ACBD5: variants seen among roughly 807,000 people sequenced by gnomAD.
The protein encoded by ACBD5 is acyl-CoA-binding domain-containing protein 5.
A neutral mutation model predicts 71.8 loss-of-function variants in ACBD5; 40 were observed. The ratio of observed to expected loss-of-function variants is 0.56; its 90% CI spans 0.43 to 0.72. The LOEUF is 0.72. Ranked by LOEUF, ACBD5 falls within the 30% of genes least tolerant of loss-of-function variation. ACBD5 has a pLI of 0.00. For missense variants in ACBD5, 559 were observed against 644.5 expected (o/e 0.87, Z 1.44); for synonymous variants, 229 against 218.6 (o/e 1.05, Z -0.42).
In ACBD5 at chr10:27,218,153, T is replaced by C. The variant is rs772006789; in HGVS notation, c.656A>G (p.His219Arg). ...DKKMMKKSAD[H>R]KNLEVIVTNG... ...AGTGACAATGACTTCCAAATTCTTA[T>C]GGTCTGCTGACTTCTTCATCATTTT... The change falls in exon 7 of 13, where the codon CAT (histidine) becomes CGT (arginine). Residue 219 changes from histidine to arginine, a missense_variant. Coordinates refer to ENST00000396271, the MANE Select transcript of ACBD5 (RefSeq NM_145698.5). 3 of 1,614,106 alleles carry C rather than the reference T, an allele frequency of 1.9e-6. No homozygotes were observed. The South Asian group carries it at 3.3e-5, about 18-fold the overall frequency.
intron 13 of ACBD5, among the ~76,000 whole-genome samples, chr10:27,187,586 T>A (rs2058841610): frequency 6.6e-6 from 1 of 151,998 alleles, no homozygotes; most frequent in Non-Finnish European, 1.5e-5. Flanking sequence ...ACCTGGTCTC[T>A]ACTAAAAATA....
At chr10:27,206,889 T>C (rs1284075513) in intron 10 of ACBD5, among the ~76,000 whole-genome samples, 1 of 152,034 alleles carries the variant, frequency 6.6e-6, no homozygotes, top group Non-Finnish European at 1.5e-5. Flanking sequence ...TCCTCTCCCA[T>C]CAAAAATGCA....
chr10:27,215,890 T>G (rs963765493), intron 7 of ACBD5, among the ~76,000 whole-genome samples: 2 of 151,468 alleles, frequency 1.3e-5, no homozygotes, highest in African/African-American at 4.8e-5. Flanking sequence ...TGGTTTTGTT[T>G]TGAGACGGAG....
chr10:27,236,280 G>A (rs961811323), intron 2 of ACBD5, among the ~76,000 whole-genome samples: 1 of 151,930 alleles, frequency 6.6e-6, no homozygotes, highest in Non-Finnish European at 1.5e-5. Context: ...AAGTTATATT[G>A]TAGAAAAATA....
chr10:27,219,572 C>A, intron 6 of ACBD5, 151 bp downstream of exon 6: 1 of 957,348 alleles, frequency 1.0e-6, no homozygotes, highest in South Asian at 1.4e-5. Context: ...TGTAGTAGAG[C>A]CTTTTGGTCC....
At chr10:27,183,281 G>A (rs1040420635) in intron 13 of ACBD5, among the ~76,000 whole-genome samples, 1 of 151,966 alleles carries the variant, frequency 6.6e-6, no homozygotes, top group South Asian at 2.1e-4. Flanking sequence ...TGTTGTTGTT[G>A]TTGTTGTTGT....
intron 4 of ACBD5, among the ~76,000 whole-genome samples, chr10:27,230,845 T>G (rs535332540): frequency 3.8e-4 from 58 of 150,850 alleles, no homozygotes; most frequent in African/African-American, 1.3e-3. Context: ...ATTCATGATT[T>G]CTTCATATAC....
chr10:27,233,771 G>C (rs973609320), intron 3 of ACBD5, among the ~76,000 whole-genome samples: 3 of 152,102 alleles, frequency 2.0e-5, no homozygotes, highest in African/African-American at 7.2e-5. Context: ...GCGGGAGCGG[G>C]GGGTGGCTCA....
intron 10 of ACBD5, among the ~76,000 whole-genome samples, chr10:27,205,821 T>C (rs2060418417): frequency 6.6e-6 from 1 of 152,024 alleles, no homozygotes; most frequent in South Asian, 2.1e-4. Flanking sequence ...TGAACCACCA[T>C]GCCTGGCCCA....
Position 27,197,369 on chromosome 10 carries a change from A to G in ACBD5, c.*61T>C. 3 of 1,521,582 alleles carry G rather than the reference A, an allele frequency of 2.0e-6. No homozygotes were observed. Among genetic ancestry groups the G allele is most frequent in the South Asian group, 2.3e-5 (2 of 88,542 alleles). The allele number at this position is 1,521,582 out of a possible 1,614,324, so 94.3% of individuals were successfully genotyped here. A position where few individuals can be genotyped will look rare whatever the true frequency, so the allele number is the denominator to read the frequency against. ...CTAAGATTTTCTTGTGAACACCACAATCCAGTTCATTCTGAGGTCATCCAG... is the reference window on the plus strand; with the variant it reads ...CTAAGATTTTCTTGTGAACACCACAGTCCAGTTCATTCTGAGGTCATCCAG... On this transcript the variant is annotated 3_prime_UTR_variant, in exon 13 of 13. Transcript: ENST00000396271.
intron 9 of ACBD5, among the ~76,000 whole-genome samples, chr10:27,209,974 A>G (rs757251339): frequency 6.6e-6 from 1 of 152,136 alleles, no homozygotes; most frequent in Non-Finnish European, 1.5e-5. Flanking sequence ...GTATGTAAAT[A>G]CTCGTCCAAA....
intron 4 of ACBD5, 140 bp downstream of exon 4, chr10:27,231,608 T>A: frequency 1.3e-6 from 1 of 750,532 alleles, no homozygotes; most frequent in Non-Finnish European, 2.3e-6. Context: ...AGCAGAAAAG[T>A]CCTAACAAAT....
chr10:27,209,909 G>T (rs2060882509), intron 9 of ACBD5, among the ~76,000 whole-genome samples: 4 of 152,174 alleles, frequency 2.6e-5, no homozygotes. Context: ...CTTTTGGATA[G>T]GTAGGATGAG....
chr10:27,219,230 G>A (rs1031130478), intron 6 of ACBD5, among the ~76,000 whole-genome samples: 2 of 151,940 alleles, frequency 1.3e-5, no homozygotes, highest in Non-Finnish European at 2.9e-5. Context: ...TGAGGCTGCA[G>A]AGGGCGGCAG....
At position 27,208,401 on chromosome 10, in the gene ACBD5, C is replaced by T. The variant is rs773326165; in HGVS notation, c.1249G>A (p.Val417Met). 9.9e-6 allele frequency: 16 copies of T among 1,614,080 alleles called. No homozygotes were observed. In the East Asian group the frequency reaches 2.7e-4, roughly 27 times the overall value. The change falls in exon 10 of 13, where the codon GTG (valine) becomes ATG (methionine). Residue 417 changes from valine to methionine, a missense_variant. Physicochemically the swap from Val to Met is conservative, Grantham distance 21. Coordinates refer to ENST00000396271, the MANE Select transcript of ACBD5 (RefSeq NM_145698.5). ...HLSEGTKGRQ[V>M]GSGGDGERWG... ...CGCTCCCCATCACCTCCACTTCCCA[C>T]CTGCCGGCCCTTGGTTCCTTCGCTC...
intron 12 of ACBD5, among the ~76,000 whole-genome samples, chr10:27,201,137 C>A (rs917615839): frequency 2.0e-5 from 3 of 152,138 alleles, no homozygotes; most frequent in Admixed American, 2.0e-4. Context: ...CACTGCAGCC[C>A]AGGCAAGAGA....
chr10:27,236,678 C>A (rs1333750528), intron 2 of ACBD5, among the ~76,000 whole-genome samples: 1 of 152,034 alleles, frequency 6.6e-6, no homozygotes, highest in Non-Finnish European at 1.5e-5. Context: ...CACCGGAGGT[C>A]AGGAGTTTAA....
At position 27,211,095 on chromosome 10, in the gene ACBD5, AT is replaced by A. The variant is rs1230461420; in HGVS notation, c.937-15del. The stretch of plus-strand genomic sequence containing the variant: ...GCTGTCTAAAGACTACAAATTAGAA[AT>A]GACACTTAGTTAAAAGCTAGAAATG... On this transcript the variant is annotated splice_polypyrimidine_tract_variant and intron_variant, in intron 8 of 12. Transcript: ENST00000396271. 28 of 1,613,914 alleles carry A rather than the reference AT, an allele frequency of 1.7e-5. No homozygotes were observed. The highest frequency in any genetic ancestry group is 2.3e-5 in the Non-Finnish European group (27 of 1,179,930).
chr10:27,191,896 AAT>A (rs2059096240), downstream of ACBD5, among the ~76,000 whole-genome samples: 1 of 146,176 alleles, frequency 6.8e-6, no homozygotes, highest in African/African-American at 2.8e-5. Context: ...ATCAAAAAAA[AAT>A]AATAACAATA....
Sources: gnomAD v4.1 joint callset for allele counts (sites outside exome capture counted in the v4.1 genomes callset) on GRCh38, gnomAD v4.1.1 for gene constraint, MANE v1.5 for transcripts, NCBI Gene and HGNC (gene_info 2026-07-23, HGNC 2026-07-21) for gene names.